USP42: variants seen among roughly 807,000 people sequenced by gnomAD.
USP42 encodes ubiquitin carboxyl-terminal hydrolase 42.
USP42 carries 23 observed loss-of-function variants against 113.0 expected under a neutral mutation model. The observed-to-expected ratio is 0.20, with a 90% CI of 0.15 to 0.29. The LOEUF (loss-of-function observed/expected upper bound fraction) is 0.29, where lower values mean the gene tolerates loss of function less well. USP42 is among the 10% of genes least tolerant of loss of function. The pLI, the probability that USP42 is intolerant of heterozygous loss-of-function variation, is 1.00. For missense variants in USP42, 2,174 were observed against 1,779.8 expected (o/e 1.22, Z -3.99); for synonymous variants, 933 against 699.0 (o/e 1.33, Z -5.28).
In USP42 at chr7:6,139,339, T is replaced by C; in HGVS notation, c.656+145T>C. 1.8e-6 allele frequency: 1 copy of C among 569,526 alleles called. No individual in the cohort carries two copies. The highest frequency in any genetic ancestry group is 2.8e-5 in the South Asian group (1 of 35,548). The allele number at this position is 569,526 out of a possible 1,614,324, so 35.3% of individuals were successfully genotyped here. On this transcript the variant is annotated intron_variant, in intron 5 of 17. Coordinates refer to ENST00000306177, the MANE Select transcript of USP42 (RefSeq NM_032172.3). This position sits in a 1 kb window ranked among gnomAD's most constrained non-coding sequence, Gnocchi z 4.5. Reference sequence around the variant, plus strand: ...TTTTGGCTTTGCTCTGCCTCTTCCTTAGGTGATGTGCATTATTTTAAAATG... The same window carrying C: ...TTTTGGCTTTGCTCTGCCTCTTCCTCAGGTGATGTGCATTATTTTAAAATG...
At chr7:6,109,558 T>G (rs1779476518) in intron 1 of USP42, among the ~76,000 whole-genome samples, 1 of 152,098 alleles carries the variant, frequency 6.6e-6, no homozygotes, top group Admixed American at 6.5e-5. Context: ...CATGCCTGGT[T>G]AATTTTTTTA....
chr7:6,106,868 T>C (rs1249803120), intron 1 of USP42, among the ~76,000 whole-genome samples: 1 of 152,122 alleles, frequency 6.6e-6, no homozygotes, highest in African/African-American at 2.4e-5. Context: ...GCCCCACCTG[T>C]AGGTTGTTGT....
chr7:6,136,673 G>A (rs939176514), intron 4 of USP42, among the ~76,000 whole-genome samples: 1 of 152,152 alleles, frequency 6.6e-6, no homozygotes, highest in South Asian at 2.1e-4. Context: ...TTTACTATAC[G>A]CAGTGACAGA....
chr7:6,114,834 G>T (rs1779825851), intron 2 of USP42, among the ~76,000 whole-genome samples: 1 of 150,688 alleles, frequency 6.6e-6, no homozygotes, highest in Admixed American at 6.6e-5. Flanking sequence ...AGGACTACAG[G>T]TGCCCGTCAC....
upstream of USP42, among the ~76,000 whole-genome samples, chr7:6,102,745 A>C (rs1251793772): frequency 7.3e-5 from 11 of 150,808 alleles, no homozygotes; most frequent in African/African-American, 2.5e-4. Flanking sequence ...GTTATGGTTG[A>C]AACACATAAA....
intron 3 of USP42, among the ~76,000 whole-genome samples, chr7:6,122,421 G>T (rs2128487340): frequency 6.6e-6 from 1 of 152,044 alleles, no homozygotes; most frequent in East Asian, 1.9e-4. Flanking sequence ...AAGTAGCTGA[G>T]ACTACAGACA....
At chr7:6,104,914 A>AGGC (rs573243927), upstream of USP42, 4,100 of 146,128 alleles carry the variant, frequency 0.028, 175 homozygotes, top group African/African-American at 0.097. Flanking sequence ...GCTGACCCGG[A>AGGC]GGCGGCGGCG....
In USP42 at chr7:6,154,347, A is replaced by AGCCCCAGGCCCT. The variant is rs1358579425; in HGVS notation, c.2794_2805dup (p.Ala932_Pro935dup). 5.1e-6 allele frequency: 8 copies of AGCCCCAGGCCCT among 1,572,662 alleles called. No individual in the cohort carries two copies. Among genetic ancestry groups the AGCCCCAGGCCCT allele is most frequent in the African/African-American group, 1.4e-5 (1 of 73,798 alleles). ...GGGTCGAGGACGCCGCGGCGCCGAAAGCCCCAGGCCCTTCCCCAGCGAAGG... is the reference window on the plus strand; with the variant it reads ...GGGTCGAGGACGCCGCGGCGCCGAAAGCCCCAGGCCCTGCCCCAGGCCCTTCCCCAGCGAAGG... On this transcript the variant is annotated inframe_insertion, in exon 15 of 18. Transcript: ENST00000306177.
In USP42 at chr7:6,149,680, C is replaced by T. The variant is rs775652534; in HGVS notation, c.1484C>T (p.Pro495Leu). The stretch of plus-strand genomic sequence containing the variant: ...AATTCCAGTGTCAACAGGGCTAGTC[C>T]TGTTAATGCTTCAGCTTCTGTCCAA... The part of the protein sequence containing the change: ...NGNSSVNRAS[P>L]VNASASVQNW... Residue 495 changes from proline to leucine, a missense_variant, in exon 13 of 18, where the codon CCT becomes CTT. By Grantham distance (98) the Pro-to-Leu change is moderately conservative. Transcript: ENST00000306177. 8.7e-6 allele frequency: 14 copies of T among 1,613,954 alleles called. No homozygotes were observed. In the East Asian group the frequency reaches 2.9e-4, roughly 33 times the overall value.
intron 9 of USP42, among the ~76,000 whole-genome samples, chr7:6,144,583 T>C (rs954506658): frequency 6.6e-6 from 1 of 152,148 alleles, no homozygotes; most frequent in African/African-American, 2.4e-5. Flanking sequence ...TAAAATTAAA[T>C]AATCGGCCGA....
At chr7:6,107,146 A>T (rs1779329164) in intron 1 of USP42, among the ~76,000 whole-genome samples, 1 of 152,208 alleles carries the variant, frequency 6.6e-6, no homozygotes, top group African/African-American at 2.4e-5. Context: ...GTTTTTCCAC[A>T]GTTACAATGC....
the USP42 span, among the ~76,000 whole-genome samples, chr7:6,086,202 ATTTT>A: frequency 2.4e-5 from 3 of 122,652 alleles, no homozygotes; most frequent in Admixed American, 8.1e-5. Flanking sequence ...CACCTGGCTA[ATTTT>A]TTTTTTTTTT....
chr7:6,140,024 T>C (rs751326069), intron 5 of USP42, 104 bp from the exon 6 acceptor site: 1 of 1,078,828 alleles, frequency 9.3e-7, no homozygotes, highest in Non-Finnish European at 1.4e-6. Context: ...CTGTCCTGTT[T>C]GAATTCTTGA....
chr7:6,091,979 TTCTTCTTCTTCTTCTTC>T, the USP42 span, among the ~76,000 whole-genome samples: 1 of 21,646 alleles, frequency 4.6e-5, no homozygotes, highest in Non-Finnish European at 1.1e-4. Flanking sequence ...GACGTATTTT[TTCTTCTTCTTCTTCTTC>T]TTCTTCTTCT....
chr7:6,144,204 G>T lies in USP42; in HGVS notation c.990+8G>T. The T allele has an allele frequency of 6.5e-7, 1 of 1,543,252 alleles. No homozygotes were observed. The highest frequency in any genetic ancestry group is 8.8e-7 in the Non-Finnish European group (1 of 1,131,960). ...GGTGGAAAAATTGCTAAGGTATGTG[G>T]ATGATGTCATTAATCATGTTTTATG... is the stretch of plus-strand genomic sequence containing the variant. On this transcript the variant is annotated splice_region_variant and intron_variant, in intron 9 of 17. Coordinates refer to ENST00000306177, the MANE Select transcript of USP42 (RefSeq NM_032172.3).
At position 6,154,407 on chromosome 7, in the gene USP42, C is replaced by G. The variant is rs767072376; in HGVS notation, c.2853C>G (p.Gly951=). ...KIGSLRKVDR[G]HYRSRRERSS... is the part of the protein sequence containing the mutation. ...GCAGCCTCAGAAAGGTGGACCGAGG[C>G]CACTACCGCAGCCGGAGAGAGCGCT... The change falls in exon 15 of 18, where the codon GGC becomes GGG. Residue 951 remains glycine, a synonymous_variant. Transcript: ENST00000306177. 6.3e-7 allele frequency: 1 copy of G among 1,576,946 alleles called. No individual in the cohort carries two copies. The highest frequency in any genetic ancestry group is 1.8e-5 in the Admixed American group (1 of 54,648).
upstream of USP42, among the ~76,000 whole-genome samples, chr7:6,104,091 T>C (rs373507172): frequency 3.9e-4 from 59 of 151,372 alleles, 1 homozygote; most frequent in East Asian, 0.011. Context: ...CTTTTCTTTT[T>C]TGAGACAGAC....
At chr7:6,133,847 T>C (rs1780983625) in intron 3 of USP42, among the ~76,000 whole-genome samples, 1 of 151,646 alleles carries the variant, frequency 6.6e-6, no homozygotes, top group African/African-American at 2.4e-5. Context: ...ATTGTACTCT[T>C]CATGTGTATA....
In USP42 at chr7:6,114,857, A is replaced by AT. The variant is rs1162783227; in HGVS notation, c.242-460dup. ...AGGTGCCCGTCACCGCGCCTGGCTA[A>AT]TTTTTTGTATTTTTAGTAGAGACGG... On this transcript the variant is annotated intron_variant, in intron 2 of 17. Transcript: ENST00000306177. Among the ~76,000 whole-genome samples, 3 of 150,420 alleles carry AT rather than the reference A, an allele frequency of 2.0e-5. No homozygotes were observed. In the Admixed American group the frequency reaches 2.0e-4, roughly 10 times the overall value.
Sources: gnomAD v4.1 joint callset for allele counts (sites outside exome capture counted in the v4.1 genomes callset) on GRCh38, gnomAD v4.1.1 for gene constraint, Gnocchi (gnomAD v3.1) non-coding constraint, MANE v1.5 for transcripts, NCBI Gene and HGNC (gene_info 2026-07-23, HGNC 2026-07-21) for gene names.